Variants in RBM34 observed in about 807,000 individuals in gnomAD.
The protein encoded by RBM34 is RNA-binding protein 34.
RBM34 carries 39 observed loss-of-function variants against 44.6 expected under a neutral mutation model. The ratio of observed to expected loss-of-function variants is 0.87; its 90% CI spans 0.68 to 1.14. The LOEUF (loss-of-function observed/expected upper bound fraction) is 1.14. Among genes scored for constraint, RBM34 ranks in the 50% most tolerant of loss-of-function variants. RBM34 has a pLI of 0.00. For synonymous variants in RBM34, 194 were observed against 184.0 expected (o/e 1.05, Z -0.44); for missense variants, 572 against 517.9 (o/e 1.10, Z -1.01).
chr1:235,155,302 GA>G (rs956910080), intron 3 of RBM34, among the ~76,000 whole-genome samples, 190 bp from the exon 4 acceptor site: 13 of 150,126 alleles, frequency 8.7e-5, no homozygotes, highest in African/African-American at 2.9e-4. Flanking sequence ...AGTATCTTTA[GA>G]AAAAAAATGA....
At chr1:235,148,353 CA>C (rs1661998436) in intron 6 of RBM34, 50 bp downstream of exon 6, 6 of 1,414,758 alleles carry the variant, frequency 4.2e-6, no homozygotes, top group Non-Finnish European at 4.8e-6. Context: ...ACTTTTTAGC[CA>C]AAAAGGAAGA....
chr1:235,139,677 C>T (rs1200111075), intron 6 of RBM34, among the ~76,000 whole-genome samples: 1 of 152,158 alleles, frequency 6.6e-6, no homozygotes, highest in Non-Finnish European at 1.5e-5. Context: ...CTGCTCTTAC[C>T]AGTTAAGAAG....
intron 4 of RBM34, 99 bp from the exon 5 acceptor site, chr1:235,152,864 G>A: frequency 1.1e-6 from 1 of 934,230 alleles, no homozygotes; most frequent in African/African-American, 2.0e-5. Context: ...ATCCTCTACT[G>A]CCAGGCTTTT....
chr1:235,138,510 T>C (rs1250719913), intron 6 of RBM34, among the ~76,000 whole-genome samples: 2 of 152,186 alleles, frequency 1.3e-5, no homozygotes, highest in Non-Finnish European at 2.9e-5. Context: ...ATATAAACAG[T>C]TGTGAAAGAC....
intron 5 of RBM34, among the ~76,000 whole-genome samples, chr1:235,149,864 C>T (rs1662083265): frequency 6.6e-6 from 1 of 152,264 alleles, no homozygotes; most frequent in Admixed American, 6.5e-5. Flanking sequence ...TGATAGTTTA[C>T]ATAGTAAAAC....
At position 235,154,988 on chromosome 1, in the gene RBM34, T is replaced by C; in HGVS notation, c.490A>G (p.Thr164Ala). 2 of 1,614,064 alleles carry C rather than the reference T, an allele frequency of 1.2e-6. No individual in the cohort carries two copies. Among genetic ancestry groups the C allele is most frequent in the Non-Finnish European group, 1.7e-6 (2 of 1,179,946 alleles). ...ATTTTCTTTCTTTGACTGACAACTG[T>C]GTCTTCTGTGTCATCAAGTATTTTT... is the stretch of plus-strand genomic sequence containing the variant. The part of the protein sequence containing the change: ...DRKILDDTED[T>A]VVSQRKKIQI... The change falls in exon 4 of 11, where the codon ACA becomes GCA. Residue 164 changes from threonine to alanine, a missense_variant. Transcript: ENST00000408888.
intron 10 of RBM34, among the ~76,000 whole-genome samples, chr1:235,135,068 G>A (rs1196076114): frequency 1.4e-5 from 2 of 143,614 alleles, no homozygotes; most frequent in African/African-American, 5.3e-5. Flanking sequence ...TTTTTGAAAC[G>A]GAGTCTTGCT....
In RBM34 at chr1:235,154,970, T is replaced by G. The variant is rs756581141; in HGVS notation, c.508A>C (p.Lys170Gln). ...TCTTCTTGGTTGATTTGAATTTTCT[T>G]TCTTTGACTGACAACTGTGTCTTCT... Reference protein sequence around the residue: ...DTEDTVVSQRKKIQINQEEER... With the variant: ...DTEDTVVSQRQKIQINQEEER... The change falls in exon 4 of 11, where the codon AAG becomes CAG. Residue 170 changes from lysine to glutamine, a missense_variant. By Grantham distance (53) the Lys-to-Gln change is moderately conservative. Transcript: ENST00000408888. The G allele has an allele frequency of 6.2e-6, 10 of 1,614,152 alleles. No individual in the cohort carries two copies. Among genetic ancestry groups the G allele is most frequent in the Non-Finnish European group, 5.9e-6 (7 of 1,180,006 alleles).
At chr1:235,153,973 G>A (rs1039290568) in intron 4 of RBM34, among the ~76,000 whole-genome samples, 1 of 152,162 alleles carries the variant, frequency 6.6e-6, no homozygotes, top group East Asian at 1.9e-4. Flanking sequence ...GAGGCTGGGT[G>A]CGGTTGCTCA....
intron 4 of RBM34, among the ~76,000 whole-genome samples, chr1:235,154,063 A>G (rs1043442981): frequency 6.6e-6 from 1 of 152,036 alleles, no homozygotes; most frequent in African/African-American, 2.4e-5. Flanking sequence ...TGGCTAGCAC[A>G]GTGAAACCCC....
At chr1:235,150,569 T>C (rs1002236911) in intron 5 of RBM34, among the ~76,000 whole-genome samples, 1 of 151,920 alleles carries the variant, frequency 6.6e-6, no homozygotes, top group African/African-American at 2.4e-5. Flanking sequence ...GCAAAACAAA[T>C]GGACTGGCAA....
In RBM34 at chr1:235,143,504, G is replaced by A. The variant is rs1304110569; in HGVS notation, c.701+4900C>T. The stretch of plus-strand genomic sequence containing the variant: ...TAATCCCAGCACTTTGGCAGTCTGA[G>A]GCGGGCGGATCACCTGAGGTCAGGA... On this transcript the variant is annotated intron_variant, in intron 6 of 10. Transcript: ENST00000408888. Among the ~76,000 whole-genome samples the A allele has an allele frequency of 1.1e-4, 16 of 152,224 alleles. 1 individual carries two copies. Among genetic ancestry groups the A allele is most frequent in the Admixed American group, 1.0e-3 (16 of 15,282 alleles).
chr1:235,141,606 C>T (rs1008717461), intron 6 of RBM34, among the ~76,000 whole-genome samples: 1 of 152,166 alleles, frequency 6.6e-6, no homozygotes. Flanking sequence ...GAAGCTTTGT[C>T]CTTTCACTCT....
chr1:235,139,831 G>A (rs563207525), intron 6 of RBM34, among the ~76,000 whole-genome samples: 2 of 152,294 alleles, frequency 1.3e-5, no homozygotes, highest in Admixed American at 1.3e-4. Context: ...CTGGCTCTAC[G>A]ATGGCCGAGC....
At position 235,161,185 on chromosome 1, in the gene RBM34, A is replaced by G. The variant is rs1186071234; in HGVS notation, c.42T>C (p.Ser14=). Residue 14 remains serine (S), a synonymous_variant, in exon 1 of 11, where the codon AGT becomes AGC. Coordinates refer to ENST00000408888, the MANE Select transcript of RBM34 (RefSeq NM_015014.4). ...CGCGCGCCACTCACCCCTCCTGGAC[A>G]CTTCTCTTTCTCTTCCGTTTGCTCA... ...EGMSKRKRKR[S]VQEGENPDDG... 6.2e-6 allele frequency: 10 copies of G among 1,606,780 alleles called. No individual in the cohort carries two copies. Among genetic ancestry groups the G allele is most frequent in the Non-Finnish European group, 8.5e-6 (10 of 1,175,492 alleles).
Position 235,131,689 on chromosome 1 carries a change from A to C in RBM34, c.*24T>G. ...ACTTTTATTAGCAGTACTCAGCAGG[A>C]AAAGAAAAAGCAGTTCCTGGTTGTT... On this transcript the variant is annotated 3_prime_UTR_variant, in exon 11 of 11. Coordinates refer to ENST00000408888, the MANE Select transcript of RBM34 (RefSeq NM_015014.4). 4 of 1,571,454 alleles carry C rather than the reference A, an allele frequency of 2.5e-6. No homozygotes were observed. The highest frequency in any genetic ancestry group is 8.6e-7 in the Non-Finnish European group (1 of 1,163,780).
intron 3 of RBM34, among the ~76,000 whole-genome samples, chr1:235,159,209 T>C (rs1230118145): frequency 3.5e-5 from 5 of 143,176 alleles, no homozygotes; most frequent in Admixed American, 7.0e-5. Flanking sequence ...CCAGACCTTG[T>C]CTCAAAAAAA....
intron 8 of RBM34, among the ~76,000 whole-genome samples, chr1:235,136,695 T>C (rs961771220): frequency 3.3e-5 from 5 of 152,222 alleles, no homozygotes; most frequent in African/African-American, 9.7e-5. Context: ...CTAGGCACCT[T>C]TGTCAAGTCC....
chr1:235,141,300 G>C (rs1204227434), intron 6 of RBM34, among the ~76,000 whole-genome samples: 1 of 151,804 alleles, frequency 6.6e-6, no homozygotes, highest in Non-Finnish European at 1.5e-5. Context: ...ACACCAATCA[G>C]CACCCTGTGT....
Sources: allele counts gnomAD v4.1 joint callset (sites outside exome capture counted in the v4.1 genomes callset), GRCh38; gene constraint gnomAD v4.1.1; transcripts MANE v1.5; gene names NCBI Gene and HGNC (gene_info 2026-07-23, HGNC 2026-07-21).